GPC5: variants seen among roughly 807,000 people sequenced by gnomAD.
The protein encoded by GPC5 is glypican-5.
GPC5 carries 47 observed loss-of-function variants against 53.9 expected under a neutral mutation model. That is an observed-to-expected ratio of 0.87 (90% CI 0.69 to 1.11). The LOEUF (loss-of-function observed/expected upper bound fraction) is 1.11, where lower values mean the gene tolerates loss of function less well. GPC5 is among the 50% of genes most tolerant of loss of function. The pLI is 0.00. For missense variants in GPC5, 748 were observed against 713.1 expected (o/e 1.05, Z -0.56); for synonymous variants, 286 against 263.3 (o/e 1.09, Z -0.84).
chr13:92,429,963 A>G (rs1025936369), intron 7 of GPC5, among the ~76,000 whole-genome samples: 1 of 152,062 alleles, frequency 6.6e-6, no homozygotes, highest in Non-Finnish European at 1.5e-5. Flanking sequence ...TTGTGAAGAG[A>G]GTAGATTTTA....
intron 6 of GPC5, among the ~76,000 whole-genome samples, chr13:91,927,059 CT>C (rs1355634385): frequency 6.6e-6 from 1 of 152,084 alleles, no homozygotes; most frequent in East Asian, 1.9e-4. Context: ...GTTAATGTTT[CT>C]GTGGAAAAAT....
intron 7 of GPC5, among the ~76,000 whole-genome samples, chr13:92,375,320 GC>G (rs1331407188): frequency 6.6e-6 from 1 of 152,090 alleles, no homozygotes; most frequent in African/African-American, 2.4e-5. Flanking sequence ...TTTTTTTAAG[GC>G]GACTTCCTTG....
chr13:92,585,864 T>C (rs1883522266), intron 7 of GPC5, among the ~76,000 whole-genome samples: 1 of 152,184 alleles, frequency 6.6e-6, no homozygotes, highest in South Asian at 2.1e-4. Context: ...CCTGCTGCCA[T>C]TCACATAAGA....
At chr13:91,575,765 C>A (rs1178053080) in intron 2 of GPC5, among the ~76,000 whole-genome samples, 1 of 152,068 alleles carries the variant, frequency 6.6e-6, no homozygotes, top group Non-Finnish European at 1.5e-5. Context: ...GTCTTTTTCC[C>A]ATTGCTAATA....
chr13:91,874,138 C>T (rs993355286), intron 5 of GPC5, among the ~76,000 whole-genome samples: 5 of 152,160 alleles, frequency 3.3e-5, no homozygotes, highest in South Asian at 2.1e-4. Context: ...TAAAGTGACT[C>T]ATGTTCTGTG....
chr13:92,380,686 A>G (rs958058496), intron 7 of GPC5, among the ~76,000 whole-genome samples: 2 of 144,918 alleles, frequency 1.4e-5, no homozygotes, highest in African/African-American at 2.5e-5. Flanking sequence ...TCGCAAGAAC[A>G]AAAAACCAAA....
intron 7 of GPC5, among the ~76,000 whole-genome samples, chr13:92,709,157 C>T (rs1480924374): frequency 6.6e-6 from 1 of 151,884 alleles, no homozygotes; most frequent in Non-Finnish European, 1.5e-5. Context: ...AGTAATTCTC[C>T]TGCCTCAGCC....
intron 6 of GPC5, among the ~76,000 whole-genome samples, chr13:92,092,215 AC>A (rs1433335884): frequency 6.6e-6 from 1 of 152,174 alleles, no homozygotes; most frequent in Admixed American, 6.5e-5. Context: ...TACTGCATAC[AC>A]CTTAGGCTCT....
intron 7 of GPC5, among the ~76,000 whole-genome samples, chr13:92,264,874 C>CTG (rs1435619957): frequency 2.8e-4 from 33 of 116,618 alleles, no homozygotes; most frequent in East Asian, 2.5e-3. Flanking sequence ...CTCTCTCTCT[C>CTG]TCTCTGTGTG....
intron 7 of GPC5, among the ~76,000 whole-genome samples, chr13:92,223,855 A>G (rs2042466100): frequency 2.6e-5 from 4 of 152,142 alleles, no homozygotes; most frequent in Admixed American, 2.6e-4. Flanking sequence ...AGGGCATTTC[A>G]TTTTCAGCTT....
At chr13:91,553,098 C>T (rs2030742330) in intron 2 of GPC5, among the ~76,000 whole-genome samples, 1 of 151,922 alleles carries the variant, frequency 6.6e-6, no homozygotes, top group Admixed American at 6.6e-5. Context: ...CTGTGTGTGT[C>T]TTGAAGAGTA....
chr13:91,975,328 C>T (rs2139098817), intron 6 of GPC5, among the ~76,000 whole-genome samples: 2 of 152,256 alleles, frequency 1.3e-5, no homozygotes, highest in Non-Finnish European at 2.9e-5. Flanking sequence ...TCAGAGTGAA[C>T]ACGCAACCTA....
chr13:92,764,291 G>C (rs535593403), intron 7 of GPC5, among the ~76,000 whole-genome samples: 2 of 152,342 alleles, frequency 1.3e-5, no homozygotes, highest in South Asian at 4.1e-4. Context: ...GTTCAGTGGT[G>C]ACAAGACCTC....
chr13:92,549,705 A>G (rs989203448), intron 7 of GPC5, among the ~76,000 whole-genome samples: 14 of 152,056 alleles, frequency 9.2e-5, no homozygotes, highest in African/African-American at 3.4e-4. Flanking sequence ...ACAGCAGAGG[A>G]GAAAATTAAA....
At chr13:92,398,428 C>CAAAAAA (rs35873316) in intron 7 of GPC5, among the ~76,000 whole-genome samples, 1,211 of 87,570 alleles carry the variant, frequency 0.014, 25 homozygotes, top group Non-Finnish European at 0.019. Flanking sequence ...GACTCCGTCT[C>CAAAAAA]AAAAAAAAAA....
intron 3 of GPC5, among the ~76,000 whole-genome samples, chr13:91,706,122 G>A (rs570098387): frequency 4.2e-4 from 64 of 151,390 alleles, no homozygotes; most frequent in South Asian, 2.9e-3. Context: ...CTCATGATCC[G>A]CCCACCTTGG....
At chr13:92,092,285 C>T (rs1457778629) in intron 6 of GPC5, among the ~76,000 whole-genome samples, 1 of 152,170 alleles carries the variant, frequency 6.6e-6, no homozygotes, top group African/African-American at 2.4e-5. Context: ...CATAGTGACA[C>T]ACTCCTAAAA....
chr13:91,538,405 G>C (rs923625755), intron 2 of GPC5, among the ~76,000 whole-genome samples: 2 of 151,954 alleles, frequency 1.3e-5, no homozygotes, highest in African/African-American at 2.4e-5. Context: ...TTAAGAAAAA[G>C]TATTGAAAAC....
At chr13:92,131,538 G>C (rs1200136270) in intron 6 of GPC5, among the ~76,000 whole-genome samples, 1 of 151,922 alleles carries the variant, frequency 6.6e-6, no homozygotes, top group Non-Finnish European at 1.5e-5. Flanking sequence ...TCTCATAAAT[G>C]TTTAAAACCT....
Sources: gnomAD v4.1 joint callset for allele counts (sites outside exome capture counted in the v4.1 genomes callset) on GRCh38, gnomAD v4.1.1 for gene constraint, MANE v1.5 for transcripts, NCBI Gene and HGNC (gene_info 2026-07-23, HGNC 2026-07-21) for gene names.